LIG1: variants seen among roughly 807,000 people sequenced by gnomAD.
LIG1 encodes the protein DNA ligase 1, also known as ligase I, DNA, ATP-dependent.
LIG1 carries 70 observed loss-of-function variants against 115.7 expected under a neutral mutation model. The observed-to-expected ratio is 0.60, with a 90% confidence interval of 0.50 to 0.74. LIG1 has a LOEUF of 0.74. Ranked by LOEUF, LIG1 falls within the 30% of genes least tolerant of loss-of-function variation. LIG1 has a pLI of 0.00. For missense variants in LIG1, 1,115 were observed against 1,225.6 expected (o/e 0.91, Z 1.35); for synonymous variants, 487 against 495.3 (o/e 0.98, Z 0.22).
chr19:48,169,199 T>C (rs1599904843), intron 1 of LIG1, among the ~76,000 whole-genome samples: 1 of 152,300 alleles, frequency 6.6e-6, no homozygotes, highest in East Asian at 1.9e-4. Flanking sequence ...GCCAGGGGCC[T>C]GGGGAGGAGT....
intron 26 of LIG1, 125 bp from the exon 27 acceptor site, chr19:48,116,090 G>A: frequency 1.3e-6 from 1 of 741,516 alleles, no homozygotes; most frequent in Middle Eastern, 3.6e-4. Flanking sequence ...GTTGTCATAA[G>A]GATTAAACAA....
chr19:48,142,648 G>C (rs1051731644), intron 11 of LIG1, among the ~76,000 whole-genome samples: 1 of 151,924 alleles, frequency 6.6e-6, no homozygotes, highest in Non-Finnish European at 1.5e-5. Flanking sequence ...TGATAATTTT[G>C]TTTGTTTGTT....
At chr19:48,133,659 G>A (rs1466670401) in intron 17 of LIG1, among the ~76,000 whole-genome samples, 2 of 152,128 alleles carry the variant, frequency 1.3e-5, no homozygotes, top group East Asian at 1.9e-4. Context: ...GCAGTAGCGC[G>A]ATGACGGCTC....
intron 20 of LIG1, 35 bp from the exon 21 acceptor site, chr19:48,127,383 G>A: frequency 6.3e-7 from 1 of 1,587,420 alleles, no homozygotes; most frequent in Non-Finnish European, 8.6e-7. Context: ...GTGAGTGCAG[G>A]AAGGTGAGAC....
chr19:48,120,618 G>T, intron 24 of LIG1: 1 of 939,558 alleles, frequency 1.1e-6, no homozygotes, highest in Non-Finnish European at 1.3e-6. Flanking sequence ...CTTGCAGCTA[G>T]GGGTGAGCCA....
At chr19:48,167,869 A>G (rs1159646248) in intron 1 of LIG1, among the ~76,000 whole-genome samples, 5 of 151,462 alleles carry the variant, frequency 3.3e-5, no homozygotes. Flanking sequence ...AAAGAAACTC[A>G]GCAATTTCCA....
At chr19:48,140,418 T>C (rs1358046233) in intron 11 of LIG1, among the ~76,000 whole-genome samples, 1 of 152,172 alleles carries the variant, frequency 6.6e-6, no homozygotes, top group African/African-American at 2.4e-5. Flanking sequence ...CTTTAAGCTG[T>C]CCTTGTTCAG....
intron 6 of LIG1, among the ~76,000 whole-genome samples, chr19:48,152,048 A>AC (rs2035511415): frequency 6.6e-6 from 1 of 152,140 alleles, no homozygotes; most frequent in Admixed American, 6.5e-5. Context: ...CACCCCCGCC[A>AC]CCCCTCACTG....
chr19:48,142,442 C>CAAAA lies in LIG1; in HGVS notation c.914+1097_914+1100dup, dbSNP rs561137392. On this transcript the variant is annotated intron_variant, in intron 11 of 27. Transcript: ENST00000263274. ...TGGGCAACAGAGCAAGACTCCATCT[C>CAAAA]AAAAAAAAAAAAAAACAGAGTGCTG... 1.1e-3 allele frequency among the ~76,000 whole-genome samples: 85 copies of CAAAA among 75,616 alleles called. 6 individuals carry two copies. Among genetic ancestry groups the CAAAA allele is most frequent in the Admixed American group, 4.2e-3 (30 of 7,076 alleles). 49.6% of individuals were successfully genotyped at this position (75,616 alleles called of 152,430 possible). A position where few individuals can be genotyped will look rare whatever the true frequency, so the allele number is the denominator to read the frequency against.
chr19:48,126,736 ATAATAT>A (rs1280113215), intron 21 of LIG1, among the ~76,000 whole-genome samples: 1 of 152,016 alleles, frequency 6.6e-6, no homozygotes, highest in East Asian at 1.9e-4. Flanking sequence ...GCTCACCCAA[ATAATAT>A]TAATTTTTTT....
chr19:48,156,887 C>G (rs991385590), intron 5 of LIG1, 127 bp downstream of exon 5: 8 of 825,854 alleles, frequency 9.7e-6, no homozygotes, highest in Admixed American at 3.3e-5. Context: ...GTCAGTGAGC[C>G]GAGATCATGC....
rs1042509398 is a variant in LIG1 at position 48,170,338 on chromosome 19, G to A, written c.-155C>T. The A allele has an allele frequency of 9.1e-6, 4 of 439,122 alleles. No individual in the cohort carries two copies. Among genetic ancestry groups the A allele is most frequent in the African/African-American group, 8.3e-5 (4 of 47,930 alleles). The allele number at this position is 439,122 out of a possible 1,614,324, so 27.2% of individuals were successfully genotyped here. On this transcript the variant is annotated 5_prime_UTR_variant, in exon 1 of 28. Coordinates refer to ENST00000263274, the MANE Select transcript of LIG1 (RefSeq NM_000234.3). ...GTTCGCGCCACGGCATTCGCGCGCAGACGTCTGCGGGCGGGGGCGGGGCAG... is the reference window on the plus strand; with the variant it reads ...GTTCGCGCCACGGCATTCGCGCGCAAACGTCTGCGGGCGGGGGCGGGGCAG...
chr19:48,161,225 T>C, intron 4 of LIG1, 147 bp downstream of exon 4: 1 of 1,190,502 alleles, frequency 8.4e-7, no homozygotes, highest in Non-Finnish European at 1.2e-6. Flanking sequence ...GACCAGGTTG[T>C]GTCTGCCCCC....
Position 48,142,442 on chromosome 19 carries a change from C to CAAAAAAAAAAA in LIG1, c.914+1090_914+1100dup, listed in dbSNP as rs561137392. The stretch of plus-strand genomic sequence containing the variant: ...TGGGCAACAGAGCAAGACTCCATCT[C>CAAAAAAAAAAA]AAAAAAAAAAAAAAACAGAGTGCTG... On this transcript the variant is annotated intron_variant, in intron 11 of 27. Coordinates refer to ENST00000263274, the MANE Select transcript of LIG1 (RefSeq NM_000234.3). Among the ~76,000 whole-genome samples, 249 of 75,542 alleles carry CAAAAAAAAAAA rather than the reference C, an allele frequency of 3.3e-3. 18 individuals are homozygous for CAAAAAAAAAAA. Among genetic ancestry groups the CAAAAAAAAAAA allele is most frequent in the African/African-American group, 0.011 (232 of 20,332 alleles). 49.6% of individuals were successfully genotyped at this position (75,542 alleles called of 152,430 possible).
At chr19:48,161,975 G>C (rs2036207125) in intron 3 of LIG1, among the ~76,000 whole-genome samples, 1 of 151,648 alleles carries the variant, frequency 6.6e-6, no homozygotes. Context: ...ACTTAGATGA[G>C]ACAGCATCAA....
intron 1 of LIG1, chr19:48,169,982 C>T (rs1047218391): frequency 3.6e-6 from 1 of 274,208 alleles, no homozygotes; most frequent in Non-Finnish European, 7.2e-6. Context: ...ACCTCAAGGC[C>T]TCTTCTCAGA....
chr19:48,153,675 CACACACACACACACA>C (rs2035619250), intron 6 of LIG1, among the ~76,000 whole-genome samples, 182 bp downstream of exon 6: 2 of 146,326 alleles, frequency 1.4e-5, no homozygotes, highest in African/African-American at 5.1e-5. Flanking sequence ...CACACACACA[CACACACACACACACA>C]CCTCTCCTTC....
chr19:48,166,957 CT>C (rs2036514012), intron 1 of LIG1, among the ~76,000 whole-genome samples: 1 of 100,170 alleles, frequency 1.0e-5, no homozygotes, highest in Admixed American at 1.1e-4. Context: ...AACACTCTGT[CT>C]CAAAAAAAAA....
In LIG1 at chr19:48,137,420, TGCGACCCA is replaced by T; in HGVS notation, c.1254+94_1254+101del. ...CTGTGCACCCCATGAGAAGGACTGA[TGCGACCCA>T]GCTGATGGTCTACCCAGAAGCCTTC... On this transcript the variant is annotated intron_variant, in intron 13 of 27. Coordinates refer to ENST00000263274, the MANE Select transcript of LIG1 (RefSeq NM_000234.3). The surrounding 1 kb of genome is among the most constrained non-coding windows in gnomAD (Gnocchi z 4.3). 6.9e-7 allele frequency: 1 copy of T among 1,446,060 alleles called. No individual in the cohort carries two copies. The highest frequency in any genetic ancestry group is 9.4e-7 in the Non-Finnish European group (1 of 1,059,506). The allele number at this position is 1,446,060 out of a possible 1,614,324, so 89.6% of individuals were successfully genotyped here. A position where few individuals can be genotyped will look rare whatever the true frequency, so the allele number is the denominator to read the frequency against.
Sources: allele counts gnomAD v4.1 joint callset (sites outside exome capture counted in the v4.1 genomes callset), GRCh38; gene constraint gnomAD v4.1.1; non-coding constraint Gnocchi (gnomAD v3.1); transcripts MANE v1.5; gene names NCBI Gene and HGNC (gene_info 2026-07-23, HGNC 2026-07-21).